Variants in ITSN2 observed in about 807,000 individuals in gnomAD.
ITSN2 encodes intersectin-2.
ITSN2 carries 156 observed loss-of-function variants against 243.7 expected under a neutral mutation model. The ratio of observed to expected loss-of-function variants is 0.64; its 90% CI spans 0.56 to 0.73. The LOEUF (loss-of-function observed/expected upper bound fraction) is 0.73, where lower values mean the gene tolerates loss of function less well. Ranked by LOEUF, ITSN2 falls within the 30% of genes least tolerant of loss-of-function variation. The pLI, the probability that ITSN2 is intolerant of heterozygous loss-of-function variation, is 0.00. For synonymous variants in ITSN2, 703 were observed against 699.9 expected, an observed-to-expected ratio of 1.00 and a Z score of -0.07; for missense variants, 1,801 against 1,996.1, an observed-to-expected ratio of 0.90 and a Z score of 1.86.
intron 8 of ITSN2, among the ~76,000 whole-genome samples, chr2:24,306,721 G>A (rs1026438182): frequency 2.6e-5 from 4 of 152,140 alleles, no homozygotes; most frequent in Admixed American, 6.5e-5. Context: ...TGCCCAGGCT[G>A]GACTCTTGGG....
At chr2:24,284,196 GAAATATTTATATA>G (rs777446971) in intron 17 of ITSN2, among the ~76,000 whole-genome samples, 1 of 152,170 alleles carries the variant, frequency 6.6e-6, no homozygotes. Flanking sequence ...ATGGCAAAGA[GAAATATTTATATA>G]ATTTAAACAT....
intron 17 of ITSN2, 106 bp from the exon 18 acceptor site, chr2:24,275,955 G>A: frequency 2.5e-6 from 2 of 797,774 alleles, no homozygotes; most frequent in Non-Finnish European, 3.7e-6. Context: ...ATAGCAAGTT[G>A]AACTAAATTT....
At chr2:24,257,264 G>A (rs932342969) in intron 23 of ITSN2, among the ~76,000 whole-genome samples, 7 of 151,968 alleles carry the variant, frequency 4.6e-5, no homozygotes, top group Non-Finnish European at 8.8e-5. Context: ...AGGCTGCAGT[G>A]AGCCATGATC....
At chr2:24,210,442 G>T in intron 34 of ITSN2, 2 of 285,798 alleles carry the variant, frequency 7.0e-6, no homozygotes, top group Non-Finnish European at 6.6e-6. Flanking sequence ...TGAAACCCCA[G>T]CTCTACTAAA....
chr2:24,225,733 G>T lies in ITSN2; in HGVS notation c.3578-4667C>A, dbSNP rs568420316. Among the ~76,000 whole-genome samples the T allele has an allele frequency of 5.3e-5, 8 of 152,248 alleles. No homozygotes were observed. The South Asian group carries it at 1.7e-3, about 32-fold the overall frequency. ...TATATCTCACTCGCAGGGCCCCAGTGCACATTAGCCTATTAGGCAGTGAGA... is the reference window on the plus strand; with the variant it reads ...TATATCTCACTCGCAGGGCCCCAGTTCACATTAGCCTATTAGGCAGTGAGA... On this transcript the variant is annotated intron_variant, in intron 29 of 39. Transcript: ENST00000355123. This position sits in a 1 kb window ranked among gnomAD's most constrained non-coding sequence, Gnocchi z 4.2.
chr2:24,226,703 A>T lies in ITSN2; in HGVS notation c.3578-5637T>A, dbSNP rs1671065538. On this transcript the variant is annotated intron_variant, in intron 29 of 39. Coordinates refer to ENST00000355123, the MANE Select transcript of ITSN2 (RefSeq NM_006277.3). Reference sequence around the variant, plus strand: ...TTTCTCTGTGTTGTGTGTTATGTGCAGCCAGTCTAATTGCTGTTCATGTGG... The same window carrying T: ...TTTCTCTGTGTTGTGTGTTATGTGCTGCCAGTCTAATTGCTGTTCATGTGG... Among the ~76,000 whole-genome samples the T allele has an allele frequency of 2.0e-5, 3 of 152,298 alleles. No individual in the cohort carries two copies. In the South Asian group the frequency reaches 6.2e-4, roughly 32 times the overall value.
At chr2:24,304,644 G>A (rs1278659135) in intron 8 of ITSN2, among the ~76,000 whole-genome samples, 1 of 152,114 alleles carries the variant, frequency 6.6e-6, no homozygotes, top group East Asian at 1.9e-4. Flanking sequence ...AAATAAGAGA[G>A]ATGGAAGGCT....
chr2:24,250,410 C>T lies in ITSN2; in HGVS notation c.3121-1528G>A, dbSNP rs532230559. ...AAATTAAAATTTTAGAAAATTTGTA[C>T]CTACCACTATGAGTCTGACAGTTTC... On this transcript the variant is annotated intron_variant, in intron 25 of 39. Coordinates refer to ENST00000355123, the MANE Select transcript of ITSN2 (RefSeq NM_006277.3). 2.6e-5 allele frequency among the ~76,000 whole-genome samples: 4 copies of T among 152,234 alleles called. No individual in the cohort carries two copies. In the South Asian group the frequency reaches 6.2e-4, roughly 24 times the overall value.
intron 29 of ITSN2, among the ~76,000 whole-genome samples, chr2:24,223,102 G>A (rs2151160539): frequency 6.6e-6 from 1 of 152,324 alleles, no homozygotes; most frequent in African/African-American, 2.4e-5. Context: ...TCAGAAAACT[G>A]GGAAAGAGAC....
At chr2:24,234,638 T>C (rs1157108902) in intron 29 of ITSN2, among the ~76,000 whole-genome samples, 3 of 152,176 alleles carry the variant, frequency 2.0e-5, no homozygotes, top group East Asian at 1.9e-4. Context: ...AAAGGACTCT[T>C]TTAACAGTTC....
At chr2:24,289,479 G>A (rs1233433166) in intron 15 of ITSN2, among the ~76,000 whole-genome samples, 1 of 152,166 alleles carries the variant, frequency 6.6e-6, no homozygotes, top group African/African-American at 2.4e-5. Flanking sequence ...CTCAATTCAT[G>A]TATTAGTTCT....
intron 16 of ITSN2, among the ~76,000 whole-genome samples, chr2:24,285,459 G>A (rs1021071640): frequency 2.0e-5 from 3 of 152,180 alleles, no homozygotes; most frequent in African/African-American, 7.2e-5. Flanking sequence ...TATGAAGAGA[G>A]AGATTTCTTA....
chr2:24,348,781 A>G (rs1687780126), intron 1 of ITSN2, among the ~76,000 whole-genome samples: 1 of 152,224 alleles, frequency 6.6e-6, no homozygotes, highest in Admixed American at 6.5e-5. Context: ...AAGAGTAAAG[A>G]AATTCAAAGT....
chr2:24,254,322 A>G, intron 24 of ITSN2, 45 bp downstream of exon 24: 6 of 1,243,946 alleles, frequency 4.8e-6, no homozygotes, highest in Non-Finnish European at 7.1e-6. Context: ...GTTAGTCAAG[A>G]GCTAAATTGA....
At chr2:24,206,414 G>A (rs1668880410) in intron 37 of ITSN2, 1 of 296,642 alleles carries the variant, frequency 3.4e-6, no homozygotes. Context: ...GGAGGAAGGT[G>A]GAGATGCAGC....
chr2:24,236,677 T>TTTC lies in ITSN2; in HGVS notation c.3577+9451_3577+9452insGAA, dbSNP rs200215698. 7.2e-3 allele frequency among the ~76,000 whole-genome samples: 1,077 copies of TTTC among 149,476 alleles called. 10 individuals are homozygous for TTTC. The highest frequency in any genetic ancestry group is 0.025 in the African/African-American group (1,037 of 40,780). On this transcript the variant is annotated intron_variant, in intron 29 of 39. Coordinates refer to ENST00000355123, the MANE Select transcript of ITSN2 (RefSeq NM_006277.3). ...ATTTTTCCTGTGTTTTTTTTTCTTT[T>TTTC]TTTTTTTTTGGACATAGGGTCTCAT...
intron 35 of ITSN2, among the ~76,000 whole-genome samples, chr2:24,209,458 G>C (rs1253596492): frequency 6.6e-6 from 1 of 152,258 alleles, no homozygotes; most frequent in African/African-American, 2.4e-5. Context: ...GGTGGGGACA[G>C]GAGCTCCAAG....
chr2:24,232,021 G>C (rs1470714409), intron 29 of ITSN2, among the ~76,000 whole-genome samples: 1 of 152,210 alleles, frequency 6.6e-6, no homozygotes, highest in Non-Finnish European at 1.5e-5. Flanking sequence ...GATATTTTAT[G>C]TTGTAAAAGA....
At chr2:24,228,412 A>G (rs1313102050) in intron 29 of ITSN2, among the ~76,000 whole-genome samples, 1 of 152,262 alleles carries the variant, frequency 6.6e-6, no homozygotes, top group Non-Finnish European at 1.5e-5. Context: ...ATGGTGAGCC[A>G]AAATACTAGT....
Sources: gnomAD v4.1 joint callset for allele counts (sites outside exome capture counted in the v4.1 genomes callset) on GRCh38, gnomAD v4.1.1 for gene constraint, Gnocchi (gnomAD v3.1) non-coding constraint, MANE v1.5 for transcripts, NCBI Gene and HGNC (gene_info 2026-07-23, HGNC 2026-07-21) for gene names.